RORA: variants seen among roughly 807,000 people sequenced by gnomAD.
RORA encodes nuclear receptor ROR-alpha.
RORA carries 7 observed loss-of-function variants against 69.5 expected under a neutral mutation model. The observed-to-expected ratio is 0.10, with a 90% CI of 0.06 to 0.19. The LOEUF is 0.19. Among genes scored for constraint, RORA ranks in the 10% least tolerant of loss-of-function variants. The pLI, the probability that RORA is intolerant of heterozygous loss-of-function variation, is 1.00. For missense variants in RORA, 457 were observed against 663.0 expected (o/e 0.69, Z 3.41); for synonymous variants, 261 against 240.8 (o/e 1.08, Z -0.78).
At chr15:61,227,115 T>G (rs577922163) in intron 1 of RORA, among the ~76,000 whole-genome samples, 9 of 148,894 alleles carry the variant, frequency 6.0e-5, no homozygotes, top group Non-Finnish European at 1.0e-4. Context: ...CTGAAGATGT[T>G]AATAACACAG....
intron 1 of RORA, among the ~76,000 whole-genome samples, chr15:61,174,717 T>C (rs1040314863): frequency 2.6e-5 from 4 of 152,188 alleles, no homozygotes; most frequent in African/African-American, 2.4e-5. Context: ...ACCTCAGCCA[T>C]ACAACCCTAC....
At chr15:60,596,816 G>T (rs1293247718) in intron 2 of RORA, among the ~76,000 whole-genome samples, 1 of 152,156 alleles carries the variant, frequency 6.6e-6, no homozygotes, top group East Asian at 1.9e-4. Context: ...CATATGCATA[G>T]TTCATGAAAT....
At chr15:60,703,342 A>G (rs779367571) in intron 1 of RORA, among the ~76,000 whole-genome samples, 31 of 152,222 alleles carry the variant, frequency 2.0e-4, no homozygotes, top group Non-Finnish European at 3.7e-4. Context: ...TGAGGCCCTA[A>G]GTCCATTGAC....
intron 1 of RORA, among the ~76,000 whole-genome samples, chr15:60,894,724 G>A (rs577742223): frequency 2.0e-5 from 3 of 152,308 alleles, no homozygotes; most frequent in African/African-American, 7.2e-5. Flanking sequence ...TTTCTAGCCC[G>A]TTCCCAGGAG....
chr15:60,907,708 G>T (rs532156531), intron 1 of RORA, among the ~76,000 whole-genome samples: 1 of 151,718 alleles, frequency 6.6e-6, no homozygotes, highest in South Asian at 2.1e-4. Flanking sequence ...CACATTTAGC[G>T]TTTTTTTTCT....
At chr15:60,689,528 C>A (rs2070792595) in intron 1 of RORA, among the ~76,000 whole-genome samples, 1 of 151,878 alleles carries the variant, frequency 6.6e-6, no homozygotes, top group Admixed American at 6.6e-5. Flanking sequence ...GAGTTGCATC[C>A]CCCAGAAAGA....
chr15:60,592,248 GC>G (rs1449257521), intron 2 of RORA: 2 of 486,150 alleles, frequency 4.1e-6, no homozygotes, highest in Non-Finnish European at 6.1e-6. Flanking sequence ...GGCCCAGAAG[GC>G]CCTGGCAGGG....
intron 1 of RORA, among the ~76,000 whole-genome samples, chr15:60,762,498 C>T (rs1304237888): frequency 1.3e-5 from 2 of 152,132 alleles, no homozygotes; most frequent in Non-Finnish European, 2.9e-5. Context: ...GGACATATTA[C>T]AGCCAACTGT....
intron 1 of RORA, among the ~76,000 whole-genome samples, chr15:60,786,599 T>C (rs1173536227): frequency 6.6e-6 from 1 of 152,142 alleles, no homozygotes; most frequent in Non-Finnish European, 1.5e-5. Flanking sequence ...TGACAGTGGA[T>C]CACGTGGCCT....
At chr15:61,084,823 T>A (rs534308545) in intron 1 of RORA, among the ~76,000 whole-genome samples, 1 of 139,534 alleles carries the variant, frequency 7.2e-6, no homozygotes, top group Non-Finnish European at 1.5e-5. Context: ...GTTCTACCCA[T>A]CCTTTTTTTT....
chr15:61,111,434 G>A (rs1243505698), intron 1 of RORA, among the ~76,000 whole-genome samples: 1 of 152,196 alleles, frequency 6.6e-6, no homozygotes, highest in Admixed American at 6.5e-5. Flanking sequence ...TTGATTTGGT[G>A]ACTGATGGCA....
At chr15:60,550,533 T>A (rs1465197340) in intron 2 of RORA, among the ~76,000 whole-genome samples, 1 of 152,230 alleles carries the variant, frequency 6.6e-6, no homozygotes, top group East Asian at 1.9e-4. Flanking sequence ...ATGAAAGTGT[T>A]ACCAGTTTTC....
At chr15:60,567,776 C>T (rs762362658) in intron 2 of RORA, among the ~76,000 whole-genome samples, 3 of 152,170 alleles carry the variant, frequency 2.0e-5, no homozygotes, top group Non-Finnish European at 4.4e-5. Flanking sequence ...TGATTATCTC[C>T]GGCTTCTTTT....
chr15:60,935,270 G>A (rs1283819837), intron 1 of RORA, among the ~76,000 whole-genome samples: 5 of 152,210 alleles, frequency 3.3e-5, no homozygotes, highest in Admixed American at 6.5e-5. Context: ...CTGGCTTTGT[G>A]TAGACATCTC....
chr15:60,714,412 C>A (rs1397986010), intron 1 of RORA, among the ~76,000 whole-genome samples: 1 of 150,152 alleles, frequency 6.7e-6, no homozygotes, highest in Non-Finnish European at 1.5e-5. Context: ...GTCCCCCAGG[C>A]TAGAGTCAAT....
At chr15:60,614,882 C>T (rs771477145) in intron 2 of RORA, 1 of 1,608,308 alleles carries the variant, frequency 6.2e-7, no homozygotes, top group South Asian at 1.1e-5. Flanking sequence ...AGTAAGCTCT[C>T]AAATAACGCA....
At position 60,994,300 on chromosome 15, in the gene RORA, T is replaced by TACA. The variant is rs373899717; in HGVS notation, c.166+234750_166+234752dup. Among the ~76,000 whole-genome samples, 827 of 152,354 alleles carry TACA rather than the reference T, an allele frequency of 5.4e-3. 12 individuals are homozygous for TACA. Among genetic ancestry groups the TACA allele is most frequent in the African/African-American group, 0.019 (790 of 41,584 alleles). ...TTTATATTCCAAAAACTTCAGTGAT[T>TACA]ACACTTAGAGGCTTCCAAGGCGAAT... On this transcript the variant is annotated intron_variant, in intron 1 of 10. Coordinates refer to ENST00000335670, the MANE Select transcript of RORA (RefSeq NM_134261.3).
chr15:60,720,221 T>A (rs2071274780), intron 1 of RORA, among the ~76,000 whole-genome samples: 1 of 152,050 alleles, frequency 6.6e-6, no homozygotes, highest in Non-Finnish European at 1.5e-5. Flanking sequence ...GTCTCTTGAG[T>A]CCCTTAAGGC....
At chr15:60,781,741 G>A (rs1408988889) in intron 1 of RORA, among the ~76,000 whole-genome samples, 1 of 152,170 alleles carries the variant, frequency 6.6e-6, no homozygotes, top group East Asian at 1.9e-4. Flanking sequence ...TTAGTATAAT[G>A]TTAAGAAAAC....
Sources: allele counts gnomAD v4.1 joint callset (sites outside exome capture counted in the v4.1 genomes callset), GRCh38; gene constraint gnomAD v4.1.1; transcripts MANE v1.5; gene names NCBI Gene and HGNC (gene_info 2026-07-23, HGNC 2026-07-21).